PAM: variants seen among roughly 807,000 people sequenced by gnomAD.
The protein encoded by PAM is peptidyl-glycine alpha-amidating monooxygenase.
A neutral mutation model predicts 122.1 loss-of-function variants in PAM; 72 were observed. That is an observed-to-expected ratio of 0.59 (90% confidence interval 0.49 to 0.72). The LOEUF is 0.72. Among genes scored for constraint, PAM ranks in the 30% least tolerant of loss-of-function variants. PAM has a pLI of 0.00. For missense variants in PAM, 1,106 were observed against 1,183.7 expected (o/e 0.93, Z 0.96); for synonymous variants, 389 against 404.4 (o/e 0.96, Z 0.46).
At chr5:102,774,895 T>A (rs951715375) in intron 1 of PAM, among the ~76,000 whole-genome samples, 1 of 152,026 alleles carries the variant, frequency 6.6e-6, no homozygotes. Context: ...ATAAATTCAA[T>A]GTCTTCTCTT....
chr5:102,958,291 T>TAAAA (rs1256143192), intron 12 of PAM, among the ~76,000 whole-genome samples: 2 of 152,228 alleles, frequency 1.3e-5, no homozygotes, highest in Non-Finnish European at 2.9e-5. Context: ...ATGATTATTT[T>TAAAA]GCCTTTCCTC....
At position 102,944,409 on chromosome 5, in the gene PAM, G is replaced by A. The variant is rs574751499; in HGVS notation, c.527-2428G>A. Among the ~76,000 whole-genome samples, 9 of 151,938 alleles carry A rather than the reference G, an allele frequency of 5.9e-5. No individual in the cohort carries two copies. In the South Asian group the frequency reaches 1.5e-3, roughly 25 times the overall value. ...GAGTTAACCTGGCGCCCAACCCAAT[G>A]AAAGAAAGAATATTTACTTTGGAAT... On this transcript the variant is annotated intron_variant, in intron 7 of 25. Coordinates refer to ENST00000438793, the MANE Select transcript of PAM (RefSeq NM_001177306.2).
intron 1 of PAM, among the ~76,000 whole-genome samples, chr5:102,804,203 G>C (rs1048805710): frequency 2.5e-4 from 38 of 152,196 alleles, no homozygotes; most frequent in Admixed American, 2.6e-4. Context: ...ACGCTGAAAC[G>C]GTGAAATGTG....
At chr5:102,772,119 G>A (rs1191846397) in intron 1 of PAM, among the ~76,000 whole-genome samples, 3 of 152,134 alleles carry the variant, frequency 2.0e-5, no homozygotes, top group Non-Finnish European at 2.9e-5. Context: ...AAACAGGGAT[G>A]TATTGGTGTC....
Position 103,017,580 on chromosome 5 carries a change from G to C in PAM, c.2431+147G>C, listed in dbSNP as rs11960579. 7 of 598,718 alleles carry C rather than the reference G, an allele frequency of 1.2e-5. No homozygotes were observed. In the East Asian group the frequency reaches 2.0e-4, roughly 17 times the overall value. The allele number at this position is 598,718 out of a possible 1,614,324, so 37.1% of individuals were successfully genotyped here. A position where few individuals can be genotyped will look rare whatever the true frequency, so the allele number is the denominator to read the frequency against. On this transcript the variant is annotated intron_variant, in intron 22 of 25. Coordinates refer to ENST00000438793, the MANE Select transcript of PAM (RefSeq NM_001177306.2). ...AAGCAGTTGTTAAAAGACCTATTTG[G>C]TGTCCATTAAGTGGAAAGAAACGAT...
At chr5:102,819,077 G>T (rs576865540) in intron 1 of PAM, among the ~76,000 whole-genome samples, 1 of 152,148 alleles carries the variant, frequency 6.6e-6, no homozygotes, top group Non-Finnish European at 1.5e-5. Flanking sequence ...AAAGACAGAC[G>T]AGAGCTGTTT....
At chr5:102,931,489 G>T (rs1751494389) in intron 7 of PAM, among the ~76,000 whole-genome samples, 1 of 152,168 alleles carries the variant, frequency 6.6e-6, no homozygotes, top group Non-Finnish European at 1.5e-5. Flanking sequence ...TCCTGAGATT[G>T]TTGCTGAATG....
chr5:102,878,968 G>A (rs530201611), intron 3 of PAM, among the ~76,000 whole-genome samples: 9 of 151,112 alleles, frequency 6.0e-5, no homozygotes, highest in South Asian at 2.1e-4. Flanking sequence ...TCGCTCTGTC[G>A]CCCAGGCTGG....
At chr5:102,882,289 A>G (rs1405169158) in intron 3 of PAM, among the ~76,000 whole-genome samples, 2 of 150,510 alleles carry the variant, frequency 1.3e-5, no homozygotes, top group Non-Finnish European at 3.0e-5. Flanking sequence ...TCTTTAAGGA[A>G]TCTACACACT....
intron 1 of PAM, among the ~76,000 whole-genome samples, chr5:102,762,127 C>T (rs192832939): frequency 3.3e-5 from 5 of 152,296 alleles, no homozygotes; most frequent in Non-Finnish European, 5.9e-5. Context: ...GTAGAAAACT[C>T]TGGTTATCTC....
chr5:103,028,861 TTC>T, intron 25 of PAM, 24 bp from the exon 26 acceptor site: 1 of 1,553,354 alleles, frequency 6.4e-7, no homozygotes, highest in Non-Finnish European at 8.8e-7. Flanking sequence ...CTTTACCCAA[TTC>T]TGTTATTGTT....
intron 14 of PAM, among the ~76,000 whole-genome samples, chr5:102,973,578 C>T (rs1766599087): frequency 6.6e-6 from 1 of 152,170 alleles, no homozygotes; most frequent in Admixed American, 6.5e-5. Context: ...TACAGTAGCA[C>T]TGCTAACAAA....
At chr5:102,761,835 A>G (rs969536427) in intron 1 of PAM, among the ~76,000 whole-genome samples, 30 of 152,228 alleles carry the variant, frequency 2.0e-4, no homozygotes, top group African/African-American at 7.0e-4. Context: ...GGAGGCTTCT[A>G]TAGTGTTTAA....
At chr5:102,779,966 G>T (rs1273337859) in intron 1 of PAM, among the ~76,000 whole-genome samples, 1 of 142,830 alleles carries the variant, frequency 7.0e-6, no homozygotes, top group Admixed American at 7.3e-5. Flanking sequence ...TGACCCTCCA[G>T]GGAATCCTAA....
chr5:102,895,206 C>T (rs557732548), intron 3 of PAM, among the ~76,000 whole-genome samples: 31 of 151,882 alleles, frequency 2.0e-4, no homozygotes, highest in Non-Finnish European at 3.2e-4. Context: ...CTATTTCTTA[C>T]GCTAAAACAT....
At chr5:102,995,598 A>G (rs182306080) in intron 16 of PAM, among the ~76,000 whole-genome samples, 42 of 152,232 alleles carry the variant, frequency 2.8e-4, no homozygotes, top group Middle Eastern at 6.8e-3. Context: ...ATTATCTCAT[A>G]CTGTTAAGTA....
chr5:102,810,518 C>T (rs1413955968), intron 1 of PAM, among the ~76,000 whole-genome samples: 1 of 152,116 alleles, frequency 6.6e-6, no homozygotes, highest in Non-Finnish European at 1.5e-5. Flanking sequence ...AAAGGATCAC[C>T]TTGTCTCTCA....
At chr5:102,881,330 C>T (rs192722892) in intron 3 of PAM, among the ~76,000 whole-genome samples, 9 of 151,728 alleles carry the variant, frequency 5.9e-5, no homozygotes, top group African/African-American at 1.9e-4. Context: ...GACAAAAATT[C>T]GTTCATGTTA....
intron 1 of PAM, among the ~76,000 whole-genome samples, chr5:102,784,394 G>A (rs917769851): frequency 2.0e-5 from 3 of 152,122 alleles, no homozygotes; most frequent in African/African-American, 7.2e-5. Flanking sequence ...TAGATTTCAG[G>A]TTTCCTTGGC....
Sources: gnomAD v4.1 joint callset for allele counts (sites outside exome capture counted in the v4.1 genomes callset) on GRCh38, gnomAD v4.1.1 for gene constraint, MANE v1.5 for transcripts, NCBI Gene and HGNC (gene_info 2026-07-23, HGNC 2026-07-21) for gene names.